EPB41L1: variants seen among roughly 807,000 people sequenced by gnomAD.
EPB41L1 encodes erythrocyte membrane protein band 4.1 like 1.
In EPB41L1, 29 loss-of-function variants were observed where a neutral mutation model predicts 97.8. The observed-to-expected ratio is 0.30, with a 90% CI of 0.22 to 0.40. The LOEUF (loss-of-function observed/expected upper bound fraction) is 0.40, where lower values mean the gene tolerates loss of function less well. EPB41L1 is among the 10% of genes least tolerant of loss of function. The pLI is 1.00. For synonymous variants in EPB41L1, 383 were observed against 459.2 expected (o/e 0.83, Z 2.12); for missense variants, 812 against 1,162.3 (o/e 0.70, Z 4.38).
intron 1 of EPB41L1, among the ~76,000 whole-genome samples, chr20:36,169,796 ATCACCAGG>A (rs1288036597): frequency 6.6e-6 from 1 of 152,128 alleles, no homozygotes; most frequent in Non-Finnish European, 1.5e-5. Flanking sequence ...TATAGTCCAG[ATCACCAGG>A]TCCCCAGACT....
At position 36,195,267 on chromosome 20, in the gene EPB41L1, T is replaced by C. The variant is rs1478411269; in HGVS notation, c.1450-62T>C. On this transcript the variant is annotated intron_variant, in intron 12 of 21. Transcript: ENST00000338074. The surrounding 1 kb of genome is among the most constrained non-coding windows in gnomAD (Gnocchi z 4.6). ...TTGCTGGACCAAGCCCATCGTGGTA[T>C]CTCTAATCCATCTGCTCTACTGACC... is the stretch of plus-strand genomic sequence containing the variant. The C allele has an allele frequency of 6.2e-7, 1 of 1,603,392 alleles. No individual in the cohort carries two copies. Among genetic ancestry groups the C allele is most frequent in the African/African-American group, 1.3e-5 (1 of 74,646 alleles).
upstream of EPB41L1, chr20:36,152,974 C>A (rs1361960376): frequency 2.2e-6 from 1 of 456,454 alleles, no homozygotes. Context: ...GGAGGGTGGG[C>A]CTGTTCTCTA....
At chr20:36,153,195 C>A (rs189740305), upstream of EPB41L1, 138 of 420,884 alleles carry the variant, frequency 3.3e-4, no homozygotes, top group African/African-American at 2.4e-3. Context: ...GAGGGCATAG[C>A]CTCATTCTTT....
rs759107673 is a variant in EPB41L1 at position 36,195,297 on chromosome 20, T to C, written c.1450-32T>C. On this transcript the variant is annotated intron_variant, in intron 12 of 21. Coordinates refer to ENST00000338074, the MANE Select transcript of EPB41L1 (RefSeq NM_012156.2). The surrounding 1 kb of genome is among the most constrained non-coding windows in gnomAD (Gnocchi z 4.6). ...AATCCATCTGCTCTACTGACCCTGC[T>C]GCTTTCTTTCCCTCCTACCACATCC... 7 of 1,613,894 alleles carry C rather than the reference T, an allele frequency of 4.3e-6. No homozygotes were observed. The highest frequency in any genetic ancestry group is 5.9e-6 in the Non-Finnish European group (7 of 1,179,956).
chr20:36,113,269 G>C (rs565845441), intron 2 of EPB41L1, among the ~76,000 whole-genome samples: 1 of 152,190 alleles, frequency 6.6e-6, no homozygotes, highest in East Asian at 1.9e-4. Flanking sequence ...GGGAAATTTC[G>C]AAGTAACATG....
chr20:36,141,769 T>G (rs2059647604), intron 2 of EPB41L1, among the ~76,000 whole-genome samples: 1 of 152,226 alleles, frequency 6.6e-6, no homozygotes, highest in African/African-American at 2.4e-5. Flanking sequence ...TTTAAAATAT[T>G]TCCTGTTTGC....
intron 14 of EPB41L1, chr20:36,205,785 A>T: frequency 8.1e-7 from 1 of 1,232,424 alleles, no homozygotes; most frequent in Non-Finnish European, 1.0e-6. Flanking sequence ...AAAGGGAAAA[A>T]CTCACCCATT....
In EPB41L1 at chr20:36,232,684, T is replaced by C; in HGVS notation, c.*3344T>C. On this transcript the variant is annotated 3_prime_UTR_variant, in exon 22 of 22. Transcript: ENST00000338074. ...TCCTGTTCCTTTTTACTCACACCCT[T>C]CTCTCCTTTCTCGTCCCCATGCTCC... is the stretch of plus-strand genomic sequence containing the variant. 2.5e-6 allele frequency: 1 copy of C among 399,114 alleles called. No homozygotes were observed. Among genetic ancestry groups the C allele is most frequent in the Non-Finnish European group, 4.4e-6 (1 of 226,144 alleles). The allele number at this position is 399,114 out of a possible 1,614,324, so 24.7% of individuals were successfully genotyped here. A position where few individuals can be genotyped will look rare whatever the true frequency, so the allele number is the denominator to read the frequency against.
chr20:36,110,239 C>A (rs766091840), intron 1 of EPB41L1, among the ~76,000 whole-genome samples: 4 of 152,186 alleles, frequency 2.6e-5, no homozygotes, highest in Non-Finnish European at 5.9e-5. Flanking sequence ...CCATGCCCGG[C>A]CTTGACATTG....
At chr20:36,227,242 A>G (rs779339493) in intron 21 of EPB41L1, among the ~76,000 whole-genome samples, 1 of 151,972 alleles carries the variant, frequency 6.6e-6, no homozygotes, top group Non-Finnish European at 1.5e-5. Flanking sequence ...GCTTGAGTCC[A>G]GGAGGTCCAG....
intron 21 of EPB41L1, among the ~76,000 whole-genome samples, chr20:36,227,266 A>G (rs1426812983): frequency 2.0e-5 from 3 of 152,040 alleles, no homozygotes; most frequent in Non-Finnish European, 4.4e-5. Context: ...GCAATGAGCT[A>G]TGATCGCGCC....
rs757298069 is a variant in EPB41L1, at chr20:36,207,758, T to C, written c.1669-1730T>C. On this transcript the variant is annotated intron_variant, in intron 14 of 21. Transcript: ENST00000338074. This position sits in a 1 kb window ranked among gnomAD's most constrained non-coding sequence, Gnocchi z 4.9. Reference sequence around the variant, plus strand: ...CCCAATTCAGGCTGTGAAACCACGCTGGCAGAAGCTACTGGAACTGGGGTA... The same window carrying C: ...CCCAATTCAGGCTGTGAAACCACGCCGGCAGAAGCTACTGGAACTGGGGTA... 1.2e-5 allele frequency: 16 copies of C among 1,289,510 alleles called. No homozygotes were observed. The highest frequency in any genetic ancestry group is 1.6e-5 in the Non-Finnish European group (16 of 988,682). 79.9% of individuals were successfully genotyped at this position (1,289,510 alleles called of 1,614,324 possible).
chr20:36,195,303 C>A lies in EPB41L1; in HGVS notation c.1450-26C>A, dbSNP rs766987129. 6.2e-7 allele frequency: 1 copy of A among 1,614,086 alleles called. No individual in the cohort carries two copies. Among genetic ancestry groups the A allele is most frequent in the South Asian group, 1.1e-5 (1 of 91,084 alleles). On this transcript the variant is annotated intron_variant, in intron 12 of 21. Coordinates refer to ENST00000338074, the MANE Select transcript of EPB41L1 (RefSeq NM_012156.2). The surrounding 1 kb of genome is among the most constrained non-coding windows in gnomAD (Gnocchi z 4.6). The stretch of plus-strand genomic sequence containing the variant: ...TCTGCTCTACTGACCCTGCTGCTTT[C>A]TTTCCCTCCTACCACATCCCACTAG...
chr20:36,173,975 G>A, intron 2 of EPB41L1, 21 bp downstream of exon 2: 1 of 1,603,970 alleles, frequency 6.2e-7, no homozygotes, highest in African/African-American at 1.3e-5. Context: ...GAGAGCATGG[G>A]CGTACCTTTC....
At chr20:36,138,482 C>G (rs530373064) in intron 2 of EPB41L1, among the ~76,000 whole-genome samples, 1 of 151,774 alleles carries the variant, frequency 6.6e-6, no homozygotes, top group Non-Finnish European at 1.5e-5. Context: ...AGGCTGGTCT[C>G]GACTCCCAGC....
At chr20:36,140,295 T>G (rs1241306859) in intron 2 of EPB41L1, among the ~76,000 whole-genome samples, 1 of 149,616 alleles carries the variant, frequency 6.7e-6, no homozygotes, top group Non-Finnish European at 1.5e-5. Context: ...GGTCTTGAAC[T>G]CCTGGCCTCA....
At chr20:36,158,757 A>G (rs1569161869) in intron 1 of EPB41L1, among the ~76,000 whole-genome samples, 1 of 152,192 alleles carries the variant, frequency 6.6e-6, no homozygotes, top group Non-Finnish European at 1.5e-5. Flanking sequence ...TCTCACAGGG[A>G]CCATGTTGTG....
chr20:36,215,157 C>T (rs1359465950), intron 17 of EPB41L1, among the ~76,000 whole-genome samples: 1 of 151,808 alleles, frequency 6.6e-6, no homozygotes, highest in Non-Finnish European at 1.5e-5. Flanking sequence ...TGGATGCTCA[C>T]AGACACTGTG....
At chr20:36,112,019 T>G (rs1415958965) in intron 1 of EPB41L1, among the ~76,000 whole-genome samples, 2 of 151,978 alleles carry the variant, frequency 1.3e-5, no homozygotes, top group African/African-American at 4.8e-5. Context: ...ACCTCTTGAG[T>G]CTGTCCACCT....
Sources: allele counts gnomAD v4.1 joint callset (sites outside exome capture counted in the v4.1 genomes callset), GRCh38; gene constraint gnomAD v4.1.1; non-coding constraint Gnocchi (gnomAD v3.1); transcripts MANE v1.5; gene names NCBI Gene and HGNC (gene_info 2026-07-23, HGNC 2026-07-21).